PTPRQ: variants seen among roughly 807,000 people sequenced by gnomAD.
PTPRQ encodes the protein protein tyrosine phosphatase receptor type Q.
PTPRQ carries 199 observed loss-of-function variants against 246.0 expected under a neutral mutation model. The observed-to-expected ratio is 0.81, with a 90% CI of 0.72 to 0.91. The LOEUF (loss-of-function observed/expected upper bound fraction) is 0.91. Among genes scored for constraint, PTPRQ ranks in the 40% least tolerant of loss-of-function variants. The probability of loss-of-function intolerance (pLI) is 0.00; values close to 1 mark genes in which losing one functional copy is unlikely to be tolerated. For missense variants in PTPRQ, 2,624 were observed against 2,528.4 expected, an observed-to-expected ratio of 1.04 and a Z score of -0.81; for synonymous variants, 869 against 853.2, an observed-to-expected ratio of 1.02 and a Z score of -0.32.
At chr12:80,556,582 G>A (rs1244693701) in intron 25 of PTPRQ, among the ~76,000 whole-genome samples, 2 of 152,198 alleles carry the variant, frequency 1.3e-5, no homozygotes, top group East Asian at 1.9e-4. Context: ...TTTTCTAAAT[G>A]TTCTTTTTGG....
intron 35 of PTPRQ, among the ~76,000 whole-genome samples, chr12:80,641,284 C>T (rs10862177): frequency 0.086 from 13,054 of 152,108 alleles, 747 homozygotes; most frequent in South Asian, 0.18. Context: ...ACTGATTGAG[C>T]GTCCCAAACA....
rs530724123 is a variant in PTPRQ, at chr12:80,480,658, T to C, written c.1187-3775T>C. Among the ~76,000 whole-genome samples the C allele has an allele frequency of 9.3e-5, 14 of 151,164 alleles. 1 individual carries two copies. The South Asian group carries it at 2.3e-3, about 25-fold the overall frequency. On this transcript the variant is annotated intron_variant, in intron 8 of 44. Transcript: ENST00000644991. Reference sequence around the variant, plus strand: ...TAATAAAGAAAAAAAGAGAGAAGAATCAAATAGACGCAATACAAAATGATA... The same window carrying C: ...TAATAAAGAAAAAAAGAGAGAAGAACCAAATAGACGCAATACAAAATGATA...
At chr12:80,613,873 C>T in intron 29 of PTPRQ, 37 bp downstream of exon 29, 2 of 1,461,360 alleles carry the variant, frequency 1.4e-6, no homozygotes. Flanking sequence ...ACCCAAATGA[C>T]AATGTCAGTT....
chr12:80,533,452 T>C (rs569007372), intron 17 of PTPRQ, among the ~76,000 whole-genome samples: 95 of 152,166 alleles, frequency 6.2e-4, no homozygotes, highest in Non-Finnish European at 1.1e-3. Context: ...TCTTCTTTCC[T>C]GTATGATATA....
At chr12:80,591,288 G>C (rs1056393582) in intron 26 of PTPRQ, among the ~76,000 whole-genome samples, 3 of 151,984 alleles carry the variant, frequency 2.0e-5, no homozygotes, top group African/African-American at 7.2e-5. Flanking sequence ...ACTGTGACCA[G>C]CTAATTTTAA....
chr12:80,659,897 A>G (rs2121254928), intron 39 of PTPRQ, among the ~76,000 whole-genome samples: 1 of 152,194 alleles, frequency 6.6e-6, no homozygotes, highest in South Asian at 2.1e-4. Flanking sequence ...TGGGGCTGGC[A>G]GTGTACTGTA....
chr12:80,604,956 T>C, intron 26 of PTPRQ, 103 bp from the exon 27 acceptor site: 1 of 1,162,770 alleles, frequency 8.6e-7, no homozygotes, highest in Non-Finnish European at 1.1e-6. Flanking sequence ...AAAATTAAAA[T>C]TAATTTATTA....
At chr12:80,497,211 A>G (rs1415232552) in intron 14 of PTPRQ, among the ~76,000 whole-genome samples, 1 of 151,894 alleles carries the variant, frequency 6.6e-6, no homozygotes, top group African/African-American at 2.4e-5. Context: ...AACTCACCAT[A>G]ATGCAGAATC....
intron 3 of PTPRQ, among the ~76,000 whole-genome samples, chr12:80,452,986 A>G (rs1038212784): frequency 1.3e-5 from 2 of 152,154 alleles, no homozygotes; most frequent in Non-Finnish European, 2.9e-5. Flanking sequence ...CATTCTCCCC[A>G]TCACTTTCAG....
intron 9 of PTPRQ, among the ~76,000 whole-genome samples, chr12:80,486,330 T>C (rs78320617): frequency 0.21 from 31,637 of 152,118 alleles, 3,618 homozygotes; most frequent in African/African-American, 0.27. Flanking sequence ...GGAGACATTA[T>C]GCTTCTCTTT....
chr12:80,625,952 T>C (rs528338649), intron 33 of PTPRQ, among the ~76,000 whole-genome samples: 1 of 152,306 alleles, frequency 6.6e-6, no homozygotes, highest in African/African-American at 2.4e-5. Flanking sequence ...GATCCTGTGA[T>C]TTGAAAACCA....
At chr12:80,532,038 G>C (rs1269220266) in intron 17 of PTPRQ, among the ~76,000 whole-genome samples, 2 of 151,822 alleles carry the variant, frequency 1.3e-5, no homozygotes, top group East Asian at 3.9e-4. Flanking sequence ...CATAATCTGA[G>C]GCTTTTTTTT....
rs535930699 is a variant in PTPRQ, at chr12:80,569,196, G to A, written c.4286-18933G>A. On this transcript the variant is annotated intron_variant, in intron 25 of 44. Transcript: ENST00000644991. ...CTCATTGTTCAATTCCCACCTATGA[G>A]TGAGAATATGCGGTGTTTGGTTTTT... Among the ~76,000 whole-genome samples, 299 of 146,558 alleles carry A rather than the reference G, an allele frequency of 2.0e-3. 1 individual carries two copies. Among genetic ancestry groups the A allele is most frequent in the African/African-American group, 7.2e-3 (284 of 39,506 alleles).
At chr12:80,597,075 T>C (rs1404048159) in intron 26 of PTPRQ, among the ~76,000 whole-genome samples, 2 of 151,954 alleles carry the variant, frequency 1.3e-5, no homozygotes, top group Non-Finnish European at 2.9e-5. Flanking sequence ...CTAACTGATA[T>C]GACATAGAGA....
At chr12:80,610,006 C>T (rs1000471342) in intron 27 of PTPRQ, among the ~76,000 whole-genome samples, 5 of 150,320 alleles carry the variant, frequency 3.3e-5, no homozygotes, top group Non-Finnish European at 7.5e-5. Flanking sequence ...GTTATTAGCC[C>T]AATTTTACAT....
chr12:80,565,959 A>G (rs1896965896), intron 25 of PTPRQ, among the ~76,000 whole-genome samples: 1 of 152,184 alleles, frequency 6.6e-6, no homozygotes. Context: ...AATTCAAATA[A>G]GGTAAAAGTA....
At chr12:80,478,028 A>C (rs1893882983) in intron 8 of PTPRQ, among the ~76,000 whole-genome samples, 1 of 152,220 alleles carries the variant, frequency 6.6e-6, no homozygotes, top group African/African-American at 2.4e-5. Context: ...GGAGCCCACA[A>C]CAGCTCAAGG....
intron 7 of PTPRQ, among the ~76,000 whole-genome samples, chr12:80,470,154 T>A (rs1191531483): frequency 6.6e-6 from 1 of 152,194 alleles, no homozygotes; most frequent in Non-Finnish European, 1.5e-5. Context: ...GTTAATGATA[T>A]AAGAAAAACG....
In PTPRQ at chr12:80,459,379, A is replaced by G. The variant is rs1323287566; in HGVS notation, c.556A>G (p.Thr186Ala). 1 of 398,396 alleles carries G rather than the reference A, an allele frequency of 2.5e-6. No homozygotes were observed. Among genetic ancestry groups the G allele is most frequent in the African/African-American group, 2.1e-5 (1 of 48,636 alleles). 24.7% of individuals were successfully genotyped at this position (398,396 alleles called of 1,614,324 possible). A position where few individuals can be genotyped will look rare whatever the true frequency, so the allele number is the denominator to read the frequency against. ...ACCTCGGCAACCAAATGGCAAAATT[A>G]CCAGCTTCAAGATTAGTGTCAAGCA... ...YLPRQPNGKI[T>A]SFKISVKHAR... The change falls in exon 5 of 45, where the codon ACC (threonine) becomes GCC (alanine). Residue 186 changes from threonine to alanine, a missense_variant. Physicochemically the swap from Thr to Ala is moderately conservative, Grantham distance 58 (BLOSUM62 0). Transcript: ENST00000644991.
Sources: gnomAD v4.1 joint callset for allele counts (sites outside exome capture counted in the v4.1 genomes callset) on GRCh38, gnomAD v4.1.1 for gene constraint, MANE v1.5 for transcripts, NCBI Gene and HGNC (gene_info 2026-07-23, HGNC 2026-07-21) for gene names.